The following CHCHD3 variants were observed in gnomAD, a reference collection of about 807,000 sequenced individuals.
The protein encoded by CHCHD3 is MICOS complex subunit MIC19.
Under a neutral mutation model 38.2 loss-of-function variants are expected in CHCHD3, and 20 were observed. The ratio of observed to expected loss-of-function variants is 0.52; its 90% CI spans 0.37 to 0.76. The LOEUF is 0.76. Ranked by LOEUF, CHCHD3 falls within the 30% of genes least tolerant of loss-of-function variation. The pLI, the probability that CHCHD3 is intolerant of heterozygous loss-of-function variation, is 0.00. For missense variants in CHCHD3, 245 were observed against 279.2 expected (o/e 0.88, Z 0.87); for synonymous variants, 82 against 100.0 (o/e 0.82, Z 1.07).
intron 3 of CHCHD3, among the ~76,000 whole-genome samples, chr7:133,024,140 C>A (rs776045860): frequency 1.3e-5 from 2 of 152,054 alleles, no homozygotes; most frequent in African/African-American, 4.8e-5. Flanking sequence ...TTTGTTAATC[C>A]GGGCACTATG....
chr7:132,824,887 T>C (rs1234770931), intron 6 of CHCHD3, among the ~76,000 whole-genome samples: 1 of 152,244 alleles, frequency 6.6e-6, no homozygotes, highest in Non-Finnish European at 1.5e-5. Context: ...CCCCTGGGAT[T>C]CCGAACCTCC....
chr7:133,019,153 G>A (rs1813111671), intron 3 of CHCHD3, among the ~76,000 whole-genome samples: 1 of 152,036 alleles, frequency 6.6e-6, no homozygotes, highest in Non-Finnish European at 1.5e-5. Context: ...AAAGTGCTGG[G>A]ATTGCAGGCA....
chr7:132,975,147 C>T, intron 4 of CHCHD3, 22 bp downstream of exon 4: 1 of 1,586,162 alleles, frequency 6.3e-7, no homozygotes, highest in Non-Finnish European at 8.6e-7. Flanking sequence ...AAGAAAATTT[C>T]TCCTACATTT....
intron 6 of CHCHD3, among the ~76,000 whole-genome samples, chr7:132,830,099 A>C (rs1341553725): frequency 1.3e-5 from 2 of 152,244 alleles, no homozygotes; most frequent in African/African-American, 4.8e-5. Context: ...AAAGAAAGTA[A>C]ATAACTAACC....
At chr7:133,074,903 C>T (rs1814932382) in intron 1 of CHCHD3, among the ~76,000 whole-genome samples, 1 of 151,640 alleles carries the variant, frequency 6.6e-6, no homozygotes, top group Non-Finnish European at 1.5e-5. Context: ...TTTGGTAAAG[C>T]TATTACCCAT....
rs769397623 is a variant in CHCHD3, at chr7:133,070,198, T to C, written c.113A>G (p.Glu38Gly). 5.6e-6 allele frequency: 9 copies of C among 1,613,526 alleles called. No individual in the cohort carries two copies. In the South Asian group the frequency reaches 9.9e-5, roughly 18 times the overall value. ...LSENVIDRMKESSPSGSKSQR... is the reference protein window; with the variant it reads ...LSENVIDRMKGSSPSGSKSQR... ...AGACTTCGAACCAGATGGAGAGGAT[T>C]CCTTCATTCGATCAATCACATTTTC... Residue 38 changes from glutamate to glycine, a missense_variant, in exon 2 of 8, where the codon GAA becomes GGA. Coordinates refer to ENST00000262570, the MANE Select transcript of CHCHD3 (RefSeq NM_017812.4).
chr7:132,811,995 C>T (rs148447060), intron 6 of CHCHD3, among the ~76,000 whole-genome samples: 4 of 152,132 alleles, frequency 2.6e-5, no homozygotes, highest in Admixed American at 6.6e-5. Context: ...ATTACAGGTA[C>T]CACATGTTTA....
intron 6 of CHCHD3, among the ~76,000 whole-genome samples, chr7:132,810,012 A>G (rs1204787031): frequency 6.6e-6 from 1 of 152,226 alleles, no homozygotes; most frequent in Non-Finnish European, 1.5e-5. Context: ...GTCCCTGGAA[A>G]TGAGAAAATG....
chr7:132,897,922 T>G (rs967981403), intron 4 of CHCHD3, among the ~76,000 whole-genome samples: 1 of 152,114 alleles, frequency 6.6e-6, no homozygotes, highest in Non-Finnish European at 1.5e-5. Flanking sequence ...TGTCCGGAGT[T>G]TGTTCCTTCT....
chr7:132,895,581 G>A (rs55813361), intron 4 of CHCHD3, among the ~76,000 whole-genome samples: 1 of 152,220 alleles, frequency 6.6e-6, no homozygotes, highest in African/African-American at 2.4e-5. Flanking sequence ...GGACCCACTG[G>A]GAAGTAACTG....
At chr7:133,039,360 CTAAAT>C (rs1221231020) in intron 2 of CHCHD3, among the ~76,000 whole-genome samples, 4 of 152,166 alleles carry the variant, frequency 2.6e-5, no homozygotes, top group African/African-American at 9.7e-5. Context: ...AAAAATCAAA[CTAAAT>C]TACTCATTCC....
rs143024676 is a variant in CHCHD3, at chr7:133,026,182, G to T, written c.170-1555C>A. Among the ~76,000 whole-genome samples the T allele has an allele frequency of 6.9e-3, 1,045 of 152,162 alleles. 7 individuals are homozygous for T. Among genetic ancestry groups the T allele is most frequent in the Non-Finnish European group, 0.011 (729 of 67,990 alleles). ...ATACAATATATAAAGAACTCTTACA[G>T]ACAAATAATAAAAAGACAACTCAAT... On this transcript the variant is annotated intron_variant, in intron 2 of 7. Coordinates refer to ENST00000262570, the MANE Select transcript of CHCHD3 (RefSeq NM_017812.4).
chr7:132,839,511 G>A (rs1256524674), intron 5 of CHCHD3, among the ~76,000 whole-genome samples: 2 of 152,138 alleles, frequency 1.3e-5, no homozygotes, highest in African/African-American at 4.8e-5. Flanking sequence ...CCTGCAAAAT[G>A]CACTGCATTA....
intron 6 of CHCHD3, among the ~76,000 whole-genome samples, chr7:132,830,023 A>G (rs1319052281): frequency 6.6e-6 from 1 of 152,170 alleles, no homozygotes; most frequent in Admixed American, 6.5e-5. Flanking sequence ...GTTTCTTGAC[A>G]TTTACTTCTA....
chr7:132,956,700 T>C (rs1017368930), intron 4 of CHCHD3, among the ~76,000 whole-genome samples: 8 of 152,194 alleles, frequency 5.3e-5, no homozygotes, highest in African/African-American at 1.9e-4. Flanking sequence ...ATCTCACTCA[T>C]TGTAACAGTC....
At chr7:132,855,330 A>G (rs1808319648) in intron 5 of CHCHD3, among the ~76,000 whole-genome samples, 1 of 152,216 alleles carries the variant, frequency 6.6e-6, no homozygotes, top group Admixed American at 6.5e-5. Context: ...TGATACACAT[A>G]TCTGAAGTTT....
intron 6 of CHCHD3, among the ~76,000 whole-genome samples, chr7:132,798,698 C>T (rs1034233708): frequency 1.3e-5 from 2 of 152,100 alleles, no homozygotes; most frequent in Non-Finnish European, 2.9e-5. Flanking sequence ...ATATGCAGCC[C>T]TTCCTCATTA....
At chr7:132,864,470 A>T (rs769437350) in intron 5 of CHCHD3, among the ~76,000 whole-genome samples, 4 of 152,210 alleles carry the variant, frequency 2.6e-5, no homozygotes, top group Admixed American at 1.3e-4. Context: ...ACAAAGAAAA[A>T]GTTTGAAATA....
At chr7:132,891,281 T>C (rs895981475) in intron 4 of CHCHD3, among the ~76,000 whole-genome samples, 2 of 152,200 alleles carry the variant, frequency 1.3e-5, no homozygotes, top group African/African-American at 2.4e-5. Context: ...TGACCTTCAG[T>C]AGGGTAACTC....
Sources: gnomAD v4.1 joint callset for allele counts (sites outside exome capture counted in the v4.1 genomes callset) on GRCh38, gnomAD v4.1.1 for gene constraint, MANE v1.5 for transcripts, NCBI Gene and HGNC (gene_info 2026-07-23, HGNC 2026-07-21) for gene names.